The following PHKG2 variants were observed in gnomAD, a reference collection of about 807,000 sequenced individuals.
PHKG2 encodes phosphorylase b kinase gamma catalytic chain, liver/testis isoform.
A neutral mutation model predicts 44.5 loss-of-function variants in PHKG2; 28 were observed. That is an observed-to-expected ratio of 0.63 (90% CI 0.47 to 0.86). PHKG2 has a LOEUF of 0.86. Ranked by LOEUF, PHKG2 falls within the 40% of genes least tolerant of loss-of-function variation. The pLI is 0.00. For synonymous variants in PHKG2, 220 were observed against 211.2 expected (o/e 1.04, Z -0.36); for missense variants, 498 against 547.5 (o/e 0.91, Z 0.90).
At chr16:30,748,721 G>A (rs2053288020) in intron 1 of PHKG2, 82 bp from the exon 2 acceptor site, 1 of 496,786 alleles carries the variant, frequency 2.0e-6, no homozygotes. Context: ...AGCTGCAAGG[G>A]CTGCGCCCCC....
In PHKG2 at chr16:30,760,589, C is replaced by T. The variant is rs563676045; in HGVS notation, c.*3492C>T. 8.3e-5 allele frequency: 130 copies of T among 1,561,188 alleles called. 1 individual carries two copies. In the East Asian group the frequency reaches 3.1e-3, roughly 37 times the overall value. On this transcript the variant is annotated 3_prime_UTR_variant, in exon 10 of 10. Transcript: ENST00000563588. Reference sequence around the variant, plus strand: ...GCCTTTGCCAAGAGCTCTTCCCACGCCCCCCTCAGTCCCTACTCCCTCATC... The same window carrying T: ...GCCTTTGCCAAGAGCTCTTCCCACGTCCCCCTCAGTCCCTACTCCCTCATC...
intron 6 of PHKG2, among the ~76,000 whole-genome samples, chr16:30,755,625 G>A (rs2053409626): frequency 6.6e-6 from 1 of 151,918 alleles, no homozygotes; most frequent in Admixed American, 6.6e-5. Context: ...ACATTGAGCC[G>A]AGATCATGCC....
rs765577905 is a variant in PHKG2 at position 30,756,583 on chromosome 16, CT to C, written c.802-6del. The C allele has an allele frequency of 6.2e-7, 1 of 1,613,726 alleles. No homozygotes were observed. The highest frequency in any genetic ancestry group is 8.5e-7 in the Non-Finnish European group (1 of 1,180,018). On this transcript the variant is annotated splice_region_variant and splice_polypyrimidine_tract_variant and intron_variant, in intron 8 of 9. Transcript: ENST00000563588. ...GAGCTGCCCCTCATGCTCTGGGTCT[CT>C]CCTAGATCTCCAGGCTGCTGCAGGT...
In PHKG2 at chr16:30,758,774, C is replaced by T. The variant is rs1308753118; in HGVS notation, c.*1677C>T. On this transcript the variant is annotated 3_prime_UTR_variant, in exon 10 of 10. Coordinates refer to ENST00000563588, the MANE Select transcript of PHKG2 (RefSeq NM_000294.3). The stretch of plus-strand genomic sequence containing the variant: ...TTCACGGTGTTGCCCAGGCTGGTCG[C>T]GAACTCCTGAGCTCAGGCAATCCGC... 3.7e-5 allele frequency: 23 copies of T among 618,280 alleles called. No homozygotes were observed. The highest frequency in any genetic ancestry group is 1.9e-4 in the Admixed American group (6 of 31,138). The allele number at this position is 618,280 out of a possible 1,614,324, so 38.3% of individuals were successfully genotyped here. A position where few individuals can be genotyped will look rare whatever the true frequency, so the allele number is the denominator to read the frequency against.
In PHKG2 at chr16:30,748,842, G is replaced by T. The variant is rs375063162; in HGVS notation, c.22G>T (p.Glu8Ter). 4 of 1,552,772 alleles carry T rather than the reference G, an allele frequency of 2.6e-6. No individual in the cohort carries two copies. Among genetic ancestry groups the T allele is most frequent in the Non-Finnish European group, 3.5e-6 (4 of 1,147,698 alleles). Residue 8 changes from glutamate (E) to a stop codon, truncating the protein, a stop_gained, in exon 2 of 10, where the codon GAG (glutamate) becomes TAG (stop). Transcript: ENST00000563588. LOFTEE classifies it high-confidence loss of function. The stretch of plus-strand genomic sequence containing the variant: ...CAGGATGACGCTGGACGTGGGGCCG[G>T]AGGATGAGCTGCCCGACTGGGCCGC... MTLDVGP[E>*]DELPDWAAAK...
intron 4 of PHKG2, 139 bp from the exon 5 acceptor site, chr16:30,753,088 AGTGCT>A: frequency 1.4e-6 from 1 of 726,334 alleles, no homozygotes; most frequent in Non-Finnish European, 2.5e-6. Context: ...GCCTTGTTGG[AGTGCT>A]GTGTTTCTAG....
At chr16:30,752,474 C>CGCTAACTAT (rs2053364777) in intron 4 of PHKG2, 1 of 152,414 alleles carries the variant, frequency 6.6e-6, no homozygotes, top group Non-Finnish European at 1.5e-5. Context: ...CTGCTTAACA[C>CGCTAACTAT]GCTAACTATT....
In PHKG2 at chr16:30,759,186, C is replaced by T; in HGVS notation, c.*2089C>T. 1 of 1,614,210 alleles carries T rather than the reference C, an allele frequency of 6.2e-7. No individual in the cohort carries two copies. Among genetic ancestry groups the T allele is most frequent in the Non-Finnish European group, 8.5e-7 (1 of 1,180,036 alleles). On this transcript the variant is annotated 3_prime_UTR_variant, in exon 10 of 10. Transcript: ENST00000563588. ...CTGGCACTCTCCCTTACCCGTCTCA[C>T]TCTCTGGCCACAGTTTGGGTGGCTG... is the stretch of plus-strand genomic sequence containing the variant.
In PHKG2 at chr16:30,760,995, C is replaced by T; in HGVS notation, c.*3898C>T. On this transcript the variant is annotated 3_prime_UTR_variant, in exon 10 of 10. Transcript: ENST00000563588. ...GCGGCCATGAGACTCCATTTACATTCTGTCTTTGGCTCTTTTTTTCTCACA... is the reference window on the plus strand; with the variant it reads ...GCGGCCATGAGACTCCATTTACATTTTGTCTTTGGCTCTTTTTTTCTCACA... 1 of 631,972 alleles carries T rather than the reference C, an allele frequency of 1.6e-6. No individual in the cohort carries two copies. The highest frequency in any genetic ancestry group is 2.7e-5 in the East Asian group (1 of 36,620). The allele number at this position is 631,972 out of a possible 1,614,324, so 39.1% of individuals were successfully genotyped here.
Position 30,761,114 on chromosome 16 carries a change from G to C in PHKG2, c.*4017G>C, listed in dbSNP as rs1032108501. On this transcript the variant is annotated 3_prime_UTR_variant, in exon 10 of 10. Coordinates refer to ENST00000563588, the MANE Select transcript of PHKG2 (RefSeq NM_000294.3). ...GGCCTCAGTCTCATCTGTAAAATGGGGATGCCCTGGCCACAGACAGGACTG... is the reference window on the plus strand; with the variant it reads ...GGCCTCAGTCTCATCTGTAAAATGGCGATGCCCTGGCCACAGACAGGACTG... 27 of 1,488,090 alleles carry C rather than the reference G, an allele frequency of 1.8e-5. No individual in the cohort carries two copies. The highest frequency in any genetic ancestry group is 2.3e-5 in the Non-Finnish European group (25 of 1,080,424). The allele number at this position is 1,488,090 out of a possible 1,614,324, so 92.2% of individuals were successfully genotyped here. A position where few individuals can be genotyped will look rare whatever the true frequency, so the allele number is the denominator to read the frequency against.
At chr16:30,752,172 G>A (rs373363821) in intron 4 of PHKG2, among the ~76,000 whole-genome samples, 2 of 144,326 alleles carry the variant, frequency 1.4e-5, no homozygotes, top group African/African-American at 5.2e-5. Context: ...TGAGGCAGGT[G>A]GATCACCTGA....
At chr16:30,750,247 ATCT>A (rs2053327269) in intron 2 of PHKG2, among the ~76,000 whole-genome samples, 1 of 152,238 alleles carries the variant, frequency 6.6e-6, no homozygotes, top group Non-Finnish European at 1.5e-5. Flanking sequence ...AACGTAACAC[ATCT>A]GAGGGCTGTG....
rs554920657 is a variant in PHKG2, at chr16:30,756,702, G to C, written c.914G>C (p.Arg305Pro). 2 of 1,613,952 alleles carry C rather than the reference G, an allele frequency of 1.2e-6. No individual in the cohort carries two copies. The highest frequency in any genetic ancestry group is 2.2e-5 in the South Asian group (2 of 91,080). The change falls in exon 9 of 10, where the codon CGC becomes CCC. Residue 305 changes from arginine (R) to proline (P), a missense_variant. Arg to Pro is a moderately radical substitution (Grantham distance 103, BLOSUM62 -2). Transcript: ENST00000563588. Reference protein sequence around the residue: ...EGSQPWNLTPRQRFRVAVWTV... With the variant: ...EGSQPWNLTPPQRFRVAVWTV... ...AGCCAACCCTGGAACCTCACCCCCC[G>C]CCAGCGGTTCCGGGTAAGCCTGAGT...
intron 6 of PHKG2, chr16:30,755,407 G>C (rs979553052): frequency 6.4e-6 from 1 of 156,148 alleles, no homozygotes; most frequent in Non-Finnish European, 1.4e-5. Flanking sequence ...GCCGGGCGCG[G>C]TAGCTCACGC....
intron 5 of PHKG2, 23 bp from the exon 6 acceptor site, chr16:30,753,371 G>A (rs1222142651): frequency 1.2e-6 from 2 of 1,613,728 alleles, no homozygotes; most frequent in Non-Finnish European, 1.7e-6. Context: ...GGAGGAGACT[G>A]CACCCGCCTC....
intron 6 of PHKG2, among the ~76,000 whole-genome samples, chr16:30,755,466 G>T (rs1043404959): frequency 6.6e-6 from 1 of 152,072 alleles, no homozygotes; most frequent in African/African-American, 2.4e-5. Flanking sequence ...TCACGAGTCA[G>T]GAGTTCAAGA....
rs757031236 is a variant in PHKG2 at position 30,756,223 on chromosome 16, A to C, written c.598A>C (p.Lys200Gln). 1 of 1,614,106 alleles carries C rather than the reference A, an allele frequency of 6.2e-7. No homozygotes were observed. Among genetic ancestry groups the C allele is most frequent in the Non-Finnish European group, 8.5e-7 (1 of 1,179,986 alleles). ...TPGYLAPEIL[K>Q]CSMDETHPGY... ...AGGGTATCTAGCGCCAGAGATCCTT[A>C]AATGCTCCATGGATGAAACCCACCC... is the stretch of plus-strand genomic sequence containing the variant. Residue 200 changes from lysine to glutamine, a missense_variant, in exon 7 of 10, where the codon AAA (lysine) becomes CAA (glutamine). Transcript: ENST00000563588.
chr16:30,757,332 A>G lies in PHKG2; in HGVS notation c.*235A>G, dbSNP rs1166396392. 6.5e-7 allele frequency: 1 copy of G among 1,529,132 alleles called. No individual in the cohort carries two copies. Among genetic ancestry groups the G allele is most frequent in the South Asian group, 1.3e-5 (1 of 77,198 alleles). 94.7% of individuals were successfully genotyped at this position (1,529,132 alleles called of 1,614,324 possible). A position where few individuals can be genotyped will look rare whatever the true frequency, so the allele number is the denominator to read the frequency against. On this transcript the variant is annotated 3_prime_UTR_variant, in exon 10 of 10. Coordinates refer to ENST00000563588, the MANE Select transcript of PHKG2 (RefSeq NM_000294.3). ...GCCCGGTCAGTGCTGCATGCACTGC[A>G]TATGAAATAAAATCTGCTACACGCC...
intron 6 of PHKG2, 79 bp downstream of exon 6, chr16:30,753,636 C>T: frequency 7.1e-7 from 1 of 1,399,180 alleles, no homozygotes; most frequent in Non-Finnish European, 1.0e-6. Context: ...GTCTGAGTAC[C>T]AAGTCCCTGG....
Sources: allele counts gnomAD v4.1 joint callset (sites outside exome capture counted in the v4.1 genomes callset), GRCh38; gene constraint gnomAD v4.1.1; transcripts MANE v1.5; gene names NCBI Gene and HGNC (gene_info 2026-07-23, HGNC 2026-07-21).